Variants in BMP6 observed in about 807,000 individuals in gnomAD.
BMP6 encodes the protein bone morphogenetic protein 6.
A neutral mutation model predicts 54.1 loss-of-function variants in BMP6; 17 were observed. That is an observed-to-expected ratio of 0.31 (90% CI 0.22 to 0.47). BMP6 has a LOEUF of 0.47. Among genes scored for constraint, BMP6 ranks in the 20% least tolerant of loss-of-function variants. The pLI is 1.00. For synonymous variants in BMP6, 328 were observed against 291.2 expected, an observed-to-expected ratio of 1.13 and a Z score of -1.28; for missense variants, 720 against 690.4, an observed-to-expected ratio of 1.04 and a Z score of -0.48.
chr6:7,812,180 A>G (rs1326751693), intron 1 of BMP6, among the ~76,000 whole-genome samples: 1 of 152,244 alleles, frequency 6.6e-6, no homozygotes, highest in Non-Finnish European at 1.5e-5. Flanking sequence ...CTTTAGGGAG[A>G]GGGAGTAATC....
chr6:7,833,846 C>T (rs944561213), intron 1 of BMP6, among the ~76,000 whole-genome samples: 5 of 152,170 alleles, frequency 3.3e-5, no homozygotes, highest in Admixed American at 6.5e-5. Context: ...AAGATAAAGA[C>T]TTCAAATTCT....
At chr6:7,740,836 A>T (rs1247995350) in intron 1 of BMP6, among the ~76,000 whole-genome samples, 1 of 151,988 alleles carries the variant, frequency 6.6e-6, no homozygotes, top group South Asian at 2.1e-4. Context: ...ATCTATCCCT[A>T]AGTTCCCTGC....
chr6:7,760,440 T>C (rs1757596176), intron 1 of BMP6, among the ~76,000 whole-genome samples: 1 of 152,088 alleles, frequency 6.6e-6, no homozygotes. Flanking sequence ...AGTTTAGCTC[T>C]CTTGGACCAT....
At chr6:7,789,168 G>C (rs1251087050) in intron 1 of BMP6, among the ~76,000 whole-genome samples, 1 of 152,148 alleles carries the variant, frequency 6.6e-6, no homozygotes, top group South Asian at 2.1e-4. Context: ...TCGCACAGCA[G>C]GGATTCTGTA....
At chr6:7,854,296 C>G (rs1759190129) in intron 2 of BMP6, among the ~76,000 whole-genome samples, 1 of 151,942 alleles carries the variant, frequency 6.6e-6, no homozygotes, top group African/African-American at 2.4e-5. Flanking sequence ...TACTTTGTAA[C>G]CCCATAAATA....
At chr6:7,847,811 T>G (rs943465509) in intron 2 of BMP6, among the ~76,000 whole-genome samples, 2 of 152,112 alleles carry the variant, frequency 1.3e-5, no homozygotes, top group African/African-American at 4.8e-5. Context: ...TGAAAAGAAA[T>G]GACGGGACCA....
At chr6:7,872,825 T>C (rs1433897124) in intron 4 of BMP6, among the ~76,000 whole-genome samples, 1 of 151,248 alleles carries the variant, frequency 6.6e-6, no homozygotes, top group Non-Finnish European at 1.5e-5. Flanking sequence ...TTTTTTTTTT[T>C]TTTTTGAGAC....
At chr6:7,828,206 G>A (rs1414951790) in intron 1 of BMP6, among the ~76,000 whole-genome samples, 1 of 152,240 alleles carries the variant, frequency 6.6e-6, no homozygotes, top group Non-Finnish European at 1.5e-5. Context: ...CACCAGCACA[G>A]CTGTTGCTCA....
At chr6:7,872,552 G>A (rs1397938932) in intron 4 of BMP6, among the ~76,000 whole-genome samples, 1 of 152,172 alleles carries the variant, frequency 6.6e-6, no homozygotes, top group African/African-American at 2.4e-5. Flanking sequence ...GCCAGTGTCT[G>A]GCGCTAAAAG....
chr6:7,818,053 G>C (rs1758556838), intron 1 of BMP6, among the ~76,000 whole-genome samples: 1 of 152,134 alleles, frequency 6.6e-6, no homozygotes, highest in South Asian at 2.1e-4. Flanking sequence ...CTTTTAAAAA[G>C]CATAAAATAG....
chr6:7,727,581 TCAA>T lies in BMP6; in HGVS notation c.628_630del (p.Asn210del). 2 of 1,581,234 alleles carry T rather than the reference TCAA, an allele frequency of 1.3e-6. No homozygotes were observed. The highest frequency in any genetic ancestry group is 1.7e-6 in the Non-Finnish European group (2 of 1,172,734). ...ACCAGCGCGCAGGACAGCGCCTTCCTCAACGACGCGGACATGGTCATGAGCTTT... is the reference window on the plus strand; with the variant it reads ...ACCAGCGCGCAGGACAGCGCCTTCCTCGACGCGGACATGGTCATGAGCTTT... On this transcript the variant is annotated inframe_deletion, in exon 1 of 7. Coordinates refer to ENST00000283147, the MANE Select transcript of BMP6 (RefSeq NM_001718.6).
chr6:7,831,555 T>G (rs1758794558), intron 1 of BMP6, among the ~76,000 whole-genome samples: 1 of 152,206 alleles, frequency 6.6e-6, no homozygotes, highest in African/African-American at 2.4e-5. Flanking sequence ...GGCCTGACTT[T>G]CCTATGCATG....
At position 7,774,176 on chromosome 6, in the gene BMP6, T is replaced by G. The variant is rs6899574; in HGVS notation, c.664+46557T>G. Among the ~76,000 whole-genome samples, 601 of 152,302 alleles carry G rather than the reference T, an allele frequency of 3.9e-3. 5 individuals carry two copies. The highest frequency in any genetic ancestry group is 0.014 in the African/African-American group (573 of 41,562). ...CATGGAACTCAATCCACGGCAGGGT[T>G]TGGGTGGCTCCCTCAGCCTGGTGGC... On this transcript the variant is annotated intron_variant, in intron 1 of 6. Transcript: ENST00000283147.
At position 7,802,143 on chromosome 6, in the gene BMP6, A is replaced by G. The variant is rs1027740828; in HGVS notation, c.665-42997A>G. Among the ~76,000 whole-genome samples, 3 of 152,220 alleles carry G rather than the reference A, an allele frequency of 2.0e-5. No homozygotes were observed. In the South Asian group the frequency reaches 6.2e-4, roughly 32 times the overall value. The stretch of plus-strand genomic sequence containing the variant: ...GATGAGAACCTTATGTGAGCCATTT[A>G]ATTTGCTACCTAACTCAGTTCATCT... On this transcript the variant is annotated intron_variant, in intron 1 of 6. Coordinates refer to ENST00000283147, the MANE Select transcript of BMP6 (RefSeq NM_001718.6).
intron 1 of BMP6, among the ~76,000 whole-genome samples, chr6:7,793,665 A>T (rs1758146180): frequency 6.6e-6 from 1 of 152,218 alleles, no homozygotes; most frequent in Admixed American, 6.5e-5. Flanking sequence ...TGTGCTCAGC[A>T]TAGCTGTAAA....
At chr6:7,829,639 G>A (rs1463604941) in intron 1 of BMP6, among the ~76,000 whole-genome samples, 2 of 152,142 alleles carry the variant, frequency 1.3e-5, no homozygotes, top group Non-Finnish European at 2.9e-5. Context: ...CCAGGAGGTC[G>A]AGGCTGCAGT....
chr6:7,780,219 T>C (rs576781962), intron 1 of BMP6, among the ~76,000 whole-genome samples: 42 of 152,304 alleles, frequency 2.8e-4, no homozygotes, highest in Middle Eastern at 3.4e-3. Flanking sequence ...TGTTAGACTG[T>C]TCACCCACCA....
chr6:7,855,752 C>T (rs1759219422), intron 2 of BMP6, among the ~76,000 whole-genome samples: 1 of 151,656 alleles, frequency 6.6e-6, no homozygotes, highest in African/African-American at 2.4e-5. Context: ...TGGTCTCGAA[C>T]CCCTGGGCTC....
At position 7,880,535 on chromosome 6, in the gene BMP6, A is replaced by G. The variant is rs1759700980; in HGVS notation, c.*192A>G. 1.4e-6 allele frequency: 1 copy of G among 734,834 alleles called. No individual in the cohort carries two copies. Among genetic ancestry groups the G allele is most frequent in the Admixed American group, 2.8e-5 (1 of 35,566 alleles). The allele number at this position is 734,834 out of a possible 1,614,324, so 45.5% of individuals were successfully genotyped here. ...TGCTCACTTGGTAAATGACGTGAGTAGTTGTTGGTCTGTAGCAAGCTGAGT... is the reference window on the plus strand; with the variant it reads ...TGCTCACTTGGTAAATGACGTGAGTGGTTGTTGGTCTGTAGCAAGCTGAGT... On this transcript the variant is annotated 3_prime_UTR_variant, in exon 7 of 7. Coordinates refer to ENST00000283147, the MANE Select transcript of BMP6 (RefSeq NM_001718.6).
Sources: gnomAD v4.1 joint callset for allele counts (sites outside exome capture counted in the v4.1 genomes callset) on GRCh38, gnomAD v4.1.1 for gene constraint, MANE v1.5 for transcripts, NCBI Gene and HGNC (gene_info 2026-07-23, HGNC 2026-07-21) for gene names.